Variants in TTYH3 observed in about 807,000 individuals in gnomAD.
TTYH3 encodes the protein protein tweety homolog 3.
Under a neutral mutation model 68.2 loss-of-function variants are expected in TTYH3, and 23 were observed. That is an observed-to-expected ratio of 0.34 (90% CI 0.24 to 0.48). The LOEUF (loss-of-function observed/expected upper bound fraction) is 0.48. Among genes scored for constraint, TTYH3 ranks in the 20% least tolerant of loss-of-function variants. The pLI, the probability that TTYH3 is intolerant of heterozygous loss-of-function variation, is 0.99. For synonymous variants in TTYH3, 360 were observed against 332.8 expected (o/e 1.08, Z -0.89); for missense variants, 768 against 727.7 (o/e 1.06, Z -0.64).
intron 1 of TTYH3, among the ~76,000 whole-genome samples, chr7:2,640,477 G>A (rs370990691): frequency 5.9e-5 from 9 of 152,138 alleles, no homozygotes; most frequent in East Asian, 3.9e-4. Context: ...TTCCTCACAC[G>A]CTGCCAGGCC....
chr7:2,660,762 TG>T (rs1786474055), intron 13 of TTYH3, among the ~76,000 whole-genome samples: 1 of 152,034 alleles, frequency 6.6e-6, no homozygotes, highest in African/African-American at 2.4e-5. Context: ...CCTGGGGCCC[TG>T]GGGTTCTGAA....
At chr7:2,657,130 C>T (rs945424390) in intron 11 of TTYH3, among the ~76,000 whole-genome samples, 7 of 152,234 alleles carry the variant, frequency 4.6e-5, no homozygotes, top group African/African-American at 1.7e-4. Flanking sequence ...GTGACAGGCT[C>T]CTTCCCTTGC....
Position 2,632,073 on chromosome 7 carries a change from G to A in TTYH3, c.-83G>A, listed in dbSNP as rs1256965985. 8 of 1,194,994 alleles carry A rather than the reference G, an allele frequency of 6.7e-6. No homozygotes were observed. The highest frequency in any genetic ancestry group is 8.3e-6 in the Non-Finnish European group (8 of 960,266). 74.0% of individuals were successfully genotyped at this position (1,194,994 alleles called of 1,614,324 possible). ...TGATGCGGGCGGCCAGGCGGGGGTC[G>A]ACGGGTCCCTGAAGCCCGCGCCCCG... On this transcript the variant is annotated 5_prime_UTR_variant, in exon 1 of 14. Coordinates refer to ENST00000258796, the MANE Select transcript of TTYH3 (RefSeq NM_025250.3).
intron 13 of TTYH3, chr7:2,659,832 C>G (rs1406834375): frequency 2.5e-6 from 3 of 1,222,420 alleles, no homozygotes; most frequent in African/African-American, 1.6e-5. Context: ...TGCCCTCGTC[C>G]TCGCCATCAC....
In TTYH3 at chr7:2,645,736, A is replaced by G. The variant is rs761708902; in HGVS notation, c.124-1117A>G. 1 of 467,750 alleles carries G rather than the reference A, an allele frequency of 2.1e-6. No individual in the cohort carries two copies. The highest frequency in any genetic ancestry group is 1.6e-5 in the South Asian group (1 of 64,290). The allele number at this position is 467,750 out of a possible 1,614,324, so 29.0% of individuals were successfully genotyped here. The stretch of plus-strand genomic sequence containing the variant: ...GTGCACAGACCCCAGACAGGATCAG[A>G]CTCCTGATGGGGCCTCTTCCATGTT... On this transcript the variant is annotated intron_variant, in intron 1 of 13. Coordinates refer to ENST00000258796, the MANE Select transcript of TTYH3 (RefSeq NM_025250.3). This position sits in a 1 kb window ranked among gnomAD's most constrained non-coding sequence, Gnocchi z 4.8.
At chr7:2,656,690 C>T (rs1158663243) in intron 11 of TTYH3, among the ~76,000 whole-genome samples, 156 bp downstream of exon 11, 4 of 152,194 alleles carry the variant, frequency 2.6e-5, no homozygotes, top group Admixed American at 2.0e-4. Context: ...TCTCTAGTGT[C>T]TCTGAGGCTG....
At chr7:2,657,331 A>AATGATGGTGATGGTGATGGTGGTG in intron 11 of TTYH3, among the ~76,000 whole-genome samples, 1 of 147,770 alleles carries the variant, frequency 6.8e-6, no homozygotes, top group Non-Finnish European at 1.5e-5. Flanking sequence ...TGATGGTGGT[A>AATGATGGTGATGGTGATGGTGGTG]ATGATGGTGA....
intron 9 of TTYH3, among the ~76,000 whole-genome samples, chr7:2,654,436 CAT>C (rs911961937): frequency 6.6e-6 from 1 of 151,350 alleles, no homozygotes; most frequent in Non-Finnish European, 1.5e-5. Flanking sequence ...ATATATATAA[CAT>C]ATATACACAC....
At chr7:2,638,231 G>C (rs1433335169) in intron 1 of TTYH3, among the ~76,000 whole-genome samples, 1 of 152,178 alleles carries the variant, frequency 6.6e-6, no homozygotes, top group Non-Finnish European at 1.5e-5. Context: ...AGCTGGTGCA[G>C]AGGGCTGCAG....
intron 8 of TTYH3, 28 bp from the exon 9 acceptor site, chr7:2,652,890 C>A: frequency 6.5e-7 from 1 of 1,538,326 alleles, no homozygotes; most frequent in South Asian, 1.2e-5. Flanking sequence ...CAGCAGCGCC[C>A]ATGGACTTGG....
At chr7:2,638,678 G>A (rs905429437) in intron 1 of TTYH3, among the ~76,000 whole-genome samples, 5 of 152,316 alleles carry the variant, frequency 3.3e-5, no homozygotes, top group Admixed American at 1.3e-4. Context: ...GGAGCTCACC[G>A]TCATGGAATG....
chr7:2,656,000 G>A (rs1786322285), intron 9 of TTYH3, 92 bp from the exon 10 acceptor site: 2 of 1,014,840 alleles, frequency 2.0e-6, no homozygotes, highest in Middle Eastern at 2.8e-4. Context: ...ATGGGCTGGA[G>A]GGAGACCTGG....
At chr7:2,638,136 C>G (rs890923421) in intron 1 of TTYH3, among the ~76,000 whole-genome samples, 3 of 152,136 alleles carry the variant, frequency 2.0e-5, no homozygotes, top group African/African-American at 7.2e-5. Context: ...GGCTGCCTCT[C>G]CCTGGTAGGG....
intron 1 of TTYH3, among the ~76,000 whole-genome samples, chr7:2,644,474 C>T (rs1785931213): frequency 6.6e-6 from 1 of 152,226 alleles, no homozygotes; most frequent in Non-Finnish European, 1.5e-5. Context: ...GTAAGCCCTA[C>T]TGGGCCCTGA....
At chr7:2,646,417 C>G (rs528376809) in intron 1 of TTYH3, among the ~76,000 whole-genome samples, 1 of 152,348 alleles carries the variant, frequency 6.6e-6, no homozygotes, top group South Asian at 2.1e-4. Context: ...CAGCAGCGTC[C>G]TCGTTTGTCA....
rs529284611 is a variant in TTYH3 at position 2,664,551 on chromosome 7, C to T, written c.*2812C>T. 3 of 152,274 alleles carry T rather than the reference C, an allele frequency of 2.0e-5. No homozygotes were observed. The South Asian group carries it at 6.2e-4, about 32-fold the overall frequency. 9.4% of individuals were successfully genotyped at this position (152,274 alleles called of 1,614,324 possible). The stretch of plus-strand genomic sequence containing the variant: ...GGCCTGGGCATCTGACCTCCCCCAC[C>T]CCAGTGTGATTTAACATCCAGGAAC... On this transcript the variant is annotated 3_prime_UTR_variant, in exon 14 of 14. Coordinates refer to ENST00000258796, the MANE Select transcript of TTYH3 (RefSeq NM_025250.3).
chr7:2,637,295 G>C (rs535678488), intron 1 of TTYH3, among the ~76,000 whole-genome samples: 1 of 152,122 alleles, frequency 6.6e-6, no homozygotes, highest in Non-Finnish European at 1.5e-5. Context: ...CTGGGGGAGC[G>C]GGGAGCCCTG....
At chr7:2,657,070 G>A (rs1349918794) in intron 11 of TTYH3, among the ~76,000 whole-genome samples, 1 of 152,212 alleles carries the variant, frequency 6.6e-6, no homozygotes, top group Admixed American at 6.5e-5. Flanking sequence ...GGTCCTGGTG[G>A]CCCCTGCCTG....
At chr7:2,639,989 A>G (rs1482433378) in intron 1 of TTYH3, among the ~76,000 whole-genome samples, 1 of 85,210 alleles carries the variant, frequency 1.2e-5, no homozygotes, top group Admixed American at 1.4e-4. Flanking sequence ...AGCTGTGGTC[A>G]CGCTGCCTGG....
Sources: allele counts gnomAD v4.1 joint callset (sites outside exome capture counted in the v4.1 genomes callset), GRCh38; gene constraint gnomAD v4.1.1; non-coding constraint Gnocchi (gnomAD v3.1); transcripts MANE v1.5; gene names NCBI Gene and HGNC (gene_info 2026-07-23, HGNC 2026-07-21).